Variants in TSPAN13 observed in about 807,000 individuals in gnomAD.
TSPAN13 encodes the protein tetraspanin-13.
In TSPAN13, 18 loss-of-function variants were observed where a neutral mutation model predicts 26.9. The ratio of observed to expected loss-of-function variants is 0.67; its 90% confidence interval spans 0.46 to 0.99. The LOEUF (loss-of-function observed/expected upper bound fraction) is 0.99. Among genes scored for constraint, TSPAN13 ranks in the 50% least tolerant of loss-of-function variants. The pLI, the probability that TSPAN13 is intolerant of heterozygous loss-of-function variation, is 0.00. For missense variants in TSPAN13, 201 were observed against 249.6 expected (o/e 0.81, Z 1.31); for synonymous variants, 116 against 98.4 (o/e 1.18, Z -1.06).
chr7:16,760,066 G>A lies in TSPAN13; in HGVS notation c.63+6036G>A, dbSNP rs1784525131. On this transcript the variant is annotated intron_variant, in intron 1 of 5. Coordinates refer to ENST00000262067, the MANE Select transcript of TSPAN13 (RefSeq NM_014399.4). ...CAGAGCAAGCAAGCAGTACAATGCA[G>A]GAAATGAGGTCAGAGAAGTCAGGGG... Among the ~76,000 whole-genome samples the A allele has an allele frequency of 2.6e-5, 4 of 152,272 alleles. No individual in the cohort carries two copies. The South Asian group carries it at 8.3e-4, about 32-fold the overall frequency.
chr7:16,783,697 G>T lies in TSPAN13; in HGVS notation c.*206G>T. On this transcript the variant is annotated 3_prime_UTR_variant, in exon 6 of 6. Coordinates refer to ENST00000262067, the MANE Select transcript of TSPAN13 (RefSeq NM_014399.4). ...AAAATATTTGAAACTTGTGGTCTCTGAAGCTCGGTGGCACCTGGAATTTAC... is the reference window on the plus strand; with the variant it reads ...AAAATATTTGAAACTTGTGGTCTCTTAAGCTCGGTGGCACCTGGAATTTAC... 1 of 569,640 alleles carries T rather than the reference G, an allele frequency of 1.8e-6. No homozygotes were observed. The highest frequency in any genetic ancestry group is 3.1e-6 in the Non-Finnish European group (1 of 324,868). The allele number at this position is 569,640 out of a possible 1,614,324, so 35.3% of individuals were successfully genotyped here.
chr7:16,762,792 C>G (rs978857849), intron 1 of TSPAN13, among the ~76,000 whole-genome samples: 2 of 152,120 alleles, frequency 1.3e-5, no homozygotes, highest in Non-Finnish European at 2.9e-5. Flanking sequence ...ATATAAAACT[C>G]TAGGTACCAT....
chr7:16,755,529 C>T (rs1223154921), intron 1 of TSPAN13, among the ~76,000 whole-genome samples: 1 of 145,338 alleles, frequency 6.9e-6, no homozygotes, highest in African/African-American at 2.6e-5. Flanking sequence ...AAATGCTGAC[C>T]AGTTCTCTAG....
rs772219448 is a variant in TSPAN13 at position 16,776,363 on chromosome 7, G to A, written c.216G>A (p.Gln72=). 2.1e-5 allele frequency: 34 copies of A among 1,611,862 alleles called. No homozygotes were observed. The highest frequency in any genetic ancestry group is 1.4e-4 in the South Asian group (13 of 90,558). Residue 72 remains glutamine (Q), a synonymous_variant, in exon 2 of 6, where the codon CAG becomes CAA. Transcript: ENST00000262067. ...TGATTGGAGCTGTAAAACATCATCA[G>A]GTGTTGCTATTTTTTGTATCCTTTT... The part of the protein sequence containing the change: ...VGLIGAVKHH[Q]VLLFFYMIIL...
chr7:16,780,893 G>A (rs977574753), intron 5 of TSPAN13, among the ~76,000 whole-genome samples: 1 of 152,100 alleles, frequency 6.6e-6, no homozygotes, highest in African/African-American at 2.4e-5. Flanking sequence ...TGGAAATCTG[G>A]CTAGAGATTT....
chr7:16,762,902 G>A (rs1047849106), intron 1 of TSPAN13, among the ~76,000 whole-genome samples: 3 of 152,084 alleles, frequency 2.0e-5, no homozygotes, highest in African/African-American at 7.2e-5. Flanking sequence ...TATCGACACA[G>A]TAAGGTGAAT....
At chr7:16,759,487 C>A (rs1018680581) in intron 1 of TSPAN13, among the ~76,000 whole-genome samples, 3 of 152,094 alleles carry the variant, frequency 2.0e-5, no homozygotes, top group Non-Finnish European at 2.9e-5. Flanking sequence ...GGGGGATCCA[C>A]CCCTACGAAT....
Position 16,776,319 on chromosome 7 carries a change from C to T in TSPAN13, c.172C>T (p.Leu58=). Residue 58 remains leucine (L), a synonymous_variant, in exon 2 of 6, where the codon CTG becomes TTG. Coordinates refer to ENST00000262067, the MANE Select transcript of TSPAN13 (RefSeq NM_014399.4). ...VVIAVGIFLF[L]IALVGLIGAV... is the part of the protein sequence containing the mutation. ...CATTGCAGTGGGCATCTTCTTGTTC[C>T]TGATTGCTTTAGTGGGTCTGATTGG... The T allele has an allele frequency of 6.2e-7, 1 of 1,614,088 alleles. No homozygotes were observed. Among genetic ancestry groups the T allele is most frequent in the Non-Finnish European group, 8.5e-7 (1 of 1,180,016 alleles).
At chr7:16,778,035 A>G (rs1448692390) in intron 4 of TSPAN13, 124 bp downstream of exon 4, 3 of 691,430 alleles carry the variant, frequency 4.3e-6, no homozygotes, top group Non-Finnish European at 7.0e-6. Context: ...ATATATTTAC[A>G]TTATATTTCC....
chr7:16,782,632 A>T (rs879873782), intron 5 of TSPAN13, among the ~76,000 whole-genome samples: 8 of 152,204 alleles, frequency 5.3e-5, no homozygotes, highest in Non-Finnish European at 1.0e-4. Flanking sequence ...TAACAGCTTC[A>T]TCTCTTCCTA....
At position 16,753,940 on chromosome 7, in the gene TSPAN13, G is replaced by C. The variant is rs367827729; in HGVS notation, c.-28G>C. 3.2e-5 allele frequency: 52 copies of C among 1,608,350 alleles called. No individual in the cohort carries two copies. The South Asian group carries it at 5.7e-4, about 18-fold the overall frequency. ...ACCTCCGCCGGAGTCGAATTTACGT[G>C]CAGCTGCCGGCAACCACAGGTTCCA... On this transcript the variant is annotated 5_prime_UTR_variant, in exon 1 of 6. Transcript: ENST00000262067.
At chr7:16,761,006 T>C in intron 1 of TSPAN13, among the ~76,000 whole-genome samples, 1 of 152,180 alleles carries the variant, frequency 6.6e-6, no homozygotes, top group East Asian at 1.9e-4. Flanking sequence ...ATACTTCATT[T>C]CTTGTCTCCC....
chr7:16,762,463 C>G (rs548528150), intron 1 of TSPAN13, among the ~76,000 whole-genome samples: 1 of 152,130 alleles, frequency 6.6e-6, no homozygotes, highest in Non-Finnish European at 1.5e-5. Flanking sequence ...GGGCGATAAT[C>G]CAGGCCCTTC....
At chr7:16,776,075 AT>A in intron 1 of TSPAN13, 135 bp from the exon 2 acceptor site, 1 of 698,918 alleles carries the variant, frequency 1.4e-6, no homozygotes, top group Non-Finnish European at 2.3e-6. Flanking sequence ...GTATTCTTGT[AT>A]TAAGTTTTAG....
chr7:16,754,054 G>T (rs760497472), intron 1 of TSPAN13, 24 bp downstream of exon 1: 1 of 1,610,954 alleles, frequency 6.2e-7, no homozygotes, highest in Non-Finnish European at 8.5e-7. Flanking sequence ...GTCCGTTCCT[G>T]CTCGCTTGGG....
chr7:16,754,061 T>TG (rs928081955), intron 1 of TSPAN13, 31 bp downstream of exon 1: 26 of 1,608,744 alleles, frequency 1.6e-5, no homozygotes, highest in East Asian at 6.7e-5. Flanking sequence ...CCTGCTCGCT[T>TG]GGGGGCTTTG....
At chr7:16,759,872 G>A (rs1418925346) in intron 1 of TSPAN13, among the ~76,000 whole-genome samples, 2 of 151,974 alleles carry the variant, frequency 1.3e-5, no homozygotes, top group Non-Finnish European at 2.9e-5. Context: ...AAAATATTTT[G>A]TAGAGACGGG....
intron 5 of TSPAN13, among the ~76,000 whole-genome samples, chr7:16,779,860 C>T (rs1264169348): frequency 6.6e-6 from 1 of 151,638 alleles, no homozygotes; most frequent in Admixed American, 6.6e-5. Context: ...CAAGCTCCGC[C>T]TCCCGGGTTC....
rs143064433 is a variant in TSPAN13, at chr7:16,764,317, G to A, written c.63+10287G>A. ...GCTGGGGTTAAAGGTGTGAGCCACC[G>A]CGCCTGGCTCTCTTTGTTCTTTAAT... On this transcript the variant is annotated intron_variant, in intron 1 of 5. Coordinates refer to ENST00000262067, the MANE Select transcript of TSPAN13 (RefSeq NM_014399.4). Among the ~76,000 whole-genome samples, 25 of 152,114 alleles carry A rather than the reference G, an allele frequency of 1.6e-4. No homozygotes were observed. In the East Asian group the frequency reaches 4.4e-3, roughly 27 times the overall value.
Sources: gnomAD v4.1 joint callset for allele counts (sites outside exome capture counted in the v4.1 genomes callset) on GRCh38, gnomAD v4.1.1 for gene constraint, MANE v1.5 for transcripts, NCBI Gene and HGNC (gene_info 2026-07-23, HGNC 2026-07-21) for gene names.